Variants in SMC5 observed in about 807,000 individuals in gnomAD.
SMC5 encodes structural maintenance of chromosomes 5, also known as structural maintenance of chromosomes protein 5.
In SMC5, 88 loss-of-function variants were observed where a neutral mutation model predicts 148.3. The observed-to-expected ratio is 0.59, with a 90% CI of 0.50 to 0.71. The LOEUF (loss-of-function observed/expected upper bound fraction) is 0.71, where lower values mean the gene tolerates loss of function less well. SMC5 is among the 30% of genes least tolerant of loss of function. The probability of loss-of-function intolerance (pLI) is 0.00; values close to 1 mark genes in which losing one functional copy is unlikely to be tolerated. For missense variants in SMC5, 1,142 were observed against 1,298.9 expected, an observed-to-expected ratio of 0.88 and a Z score of 1.86; for synonymous variants, 421 against 432.8, an observed-to-expected ratio of 0.97 and a Z score of 0.34.
chr9:70,306,097 TATA>T (rs1297053152), intron 11 of SMC5, among the ~76,000 whole-genome samples: 2 of 152,208 alleles, frequency 1.3e-5, no homozygotes, highest in Non-Finnish European at 2.9e-5. Context: ...TAATATGTAG[TATA>T]ATGTATTAGC....
At chr9:70,318,163 TCA>T (rs1391654645) in intron 13 of SMC5, among the ~76,000 whole-genome samples, 1 of 152,122 alleles carries the variant, frequency 6.6e-6, no homozygotes, top group Non-Finnish European at 1.5e-5. Context: ...CGGGAGAATC[TCA>T]GAGGCAGGAA....
Position 70,305,378 on chromosome 9 carries a change from C to G in SMC5, c.1578+18C>G, listed in dbSNP as rs1305896105. The G allele has an allele frequency of 1.4e-6, 2 of 1,383,806 alleles. No individual in the cohort carries two copies. The highest frequency in any genetic ancestry group is 1.8e-4 in the Middle Eastern group (1 of 5,602). 85.7% of individuals were successfully genotyped at this position (1,383,806 alleles called of 1,614,324 possible). A position where few individuals can be genotyped will look rare whatever the true frequency, so the allele number is the denominator to read the frequency against. On this transcript the variant is annotated intron_variant, in intron 11 of 24. Coordinates refer to ENST00000361138, the MANE Select transcript of SMC5 (RefSeq NM_015110.4). ...TCAAAGAGGCAAGTACTAACCAACA[C>G]AACACTTTGATTCACTTGACACTTA... is the stretch of plus-strand genomic sequence containing the variant.
At position 70,341,483 on chromosome 9, in the gene SMC5, T is replaced by C. The variant is rs570929228; in HGVS notation, c.2398-2661T>C. Among the ~76,000 whole-genome samples the C allele has an allele frequency of 3.9e-5, 6 of 152,352 alleles. No homozygotes were observed. The South Asian group carries it at 1.2e-3, about 32-fold the overall frequency. ...CAGAGTAGGGGTGATTGGGAGTCTTTAACATTTTCTTTTATTTCTCTCAAG... is the reference window on the plus strand; with the variant it reads ...CAGAGTAGGGGTGATTGGGAGTCTTCAACATTTTCTTTTATTTCTCTCAAG... On this transcript the variant is annotated intron_variant, in intron 17 of 24. Transcript: ENST00000361138.
intron 11 of SMC5, among the ~76,000 whole-genome samples, chr9:70,310,541 T>A (rs1415394308): frequency 6.6e-6 from 1 of 152,212 alleles, no homozygotes; most frequent in Non-Finnish European, 1.5e-5. Flanking sequence ...TTAGCATAAT[T>A]CTAAAGGGCC....
chr9:70,261,507 G>A (rs1286036859), intron 1 of SMC5, among the ~76,000 whole-genome samples: 3 of 152,222 alleles, frequency 2.0e-5, no homozygotes, highest in African/African-American at 7.2e-5. Flanking sequence ...AGAGGGAGCA[G>A]TTTGAGGAGA....
intron 7 of SMC5, among the ~76,000 whole-genome samples, chr9:70,283,766 A>C (rs889706914): frequency 3.3e-5 from 5 of 152,274 alleles, no homozygotes; most frequent in Non-Finnish European, 7.4e-5. Context: ...AAGATCATTT[A>C]GGAGATAGTG....
intron 15 of SMC5, among the ~76,000 whole-genome samples, chr9:70,322,563 C>T (rs928077058): frequency 3.3e-5 from 5 of 152,120 alleles, no homozygotes; most frequent in Non-Finnish European, 7.4e-5. Flanking sequence ...AGGCCAGGTG[C>T]GGTGGCTCAC....
At chr9:70,283,614 A>G (rs1369570979) in intron 7 of SMC5, among the ~76,000 whole-genome samples, 1 of 152,156 alleles carries the variant, frequency 6.6e-6, no homozygotes, top group Non-Finnish European at 1.5e-5. Context: ...AAACCAGAAA[A>G]CCATTCACAA....
At chr9:70,323,757 T>G in intron 16 of SMC5, 151 bp downstream of exon 16, 1 of 980,294 alleles carries the variant, frequency 1.0e-6, no homozygotes, top group South Asian at 1.8e-5. Context: ...TTCAGCTTGC[T>G]TAGTTGCTTG....
chr9:70,304,770 A>T (rs1243886556), intron 10 of SMC5, among the ~76,000 whole-genome samples: 1 of 152,044 alleles, frequency 6.6e-6, no homozygotes, highest in African/African-American at 2.4e-5. Context: ...TGAGGGCTGT[A>T]ATAGTTACAA....
chr9:70,308,982 T>C (rs1743779264), intron 11 of SMC5, among the ~76,000 whole-genome samples: 2 of 152,196 alleles, frequency 1.3e-5, no homozygotes, highest in Admixed American at 6.5e-5. Context: ...CCAGTATATA[T>C]AAAAGTTAAG....
At chr9:70,276,910 G>A (rs2034608429) in intron 3 of SMC5, among the ~76,000 whole-genome samples, 1 of 152,040 alleles carries the variant, frequency 6.6e-6, no homozygotes, top group Non-Finnish European at 1.5e-5. Context: ...TCTGAGCAGG[G>A]GGAGTTTCAA....
rs144636962 is a variant in SMC5, at chr9:70,318,627, G to A, written c.1920G>A (p.Ala640=). The change falls in exon 14 of 25, where the codon GCG becomes GCA. Residue 640 remains alanine (A), a synonymous_variant. Transcript: ENST00000361138. ...VISSNTSLKV[A]QFLTVTVDLE... The stretch of plus-strand genomic sequence containing the variant: ...CTAGTAACACATCTCTAAAAGTAGC[G>A]CAGTTTCTCACTGTCACTGTGGACC... 292 of 1,612,404 alleles carry A rather than the reference G, an allele frequency of 1.8e-4. No individual in the cohort carries two copies. Among genetic ancestry groups the A allele is most frequent in the Non-Finnish European group, 2.3e-4 (267 of 1,179,138 alleles).
intron 3 of SMC5, among the ~76,000 whole-genome samples, chr9:70,272,260 A>G (rs772438585): frequency 6.6e-6 from 1 of 152,232 alleles, no homozygotes; most frequent in African/African-American, 2.4e-5. Flanking sequence ...GGAGCAGATC[A>G]TACATCATTG....
chr9:70,350,967 T>G (rs1271525414), intron 24 of SMC5, among the ~76,000 whole-genome samples: 1 of 152,246 alleles, frequency 6.6e-6, no homozygotes, highest in Non-Finnish European at 1.5e-5. Context: ...AATTTTCTTT[T>G]GCTAAATCTA....
rs1200775147 is a variant in SMC5 at position 70,259,043 on chromosome 9, G to C, written c.-36G>C. On this transcript the variant is annotated 5_prime_UTR_variant, in exon 1 of 25. Coordinates refer to ENST00000361138, the MANE Select transcript of SMC5 (RefSeq NM_015110.4). ...GGGCGCCTGGGCTGCCGGACGGTGG[G>C]AACGGAAGTCGCTGTGGGACGCTGA... 4 of 1,570,252 alleles carry C rather than the reference G, an allele frequency of 2.5e-6. No individual in the cohort carries two copies. The South Asian group carries it at 4.7e-5, about 18-fold the overall frequency.
At chr9:70,336,452 C>T (rs935543512) in intron 17 of SMC5, among the ~76,000 whole-genome samples, 1 of 152,122 alleles carries the variant, frequency 6.6e-6, no homozygotes, top group Non-Finnish European at 1.5e-5. Context: ...CCCCCACTCC[C>T]CACCTTCACC....
chr9:70,278,421 T>C (rs1587631007), intron 4 of SMC5, 70 bp from the exon 5 acceptor site: 3 of 1,455,212 alleles, frequency 2.1e-6, no homozygotes, highest in Non-Finnish European at 2.8e-6. Flanking sequence ...GTGTAAGCAT[T>C]GAGTGAAATA....
intron 11 of SMC5, among the ~76,000 whole-genome samples, chr9:70,310,587 T>C (rs2035631387): frequency 6.6e-6 from 1 of 152,216 alleles, no homozygotes; most frequent in African/African-American, 2.4e-5. Flanking sequence ...AAACATTGGC[T>C]TCAACTTAAA....
Sources: gnomAD v4.1 joint callset for allele counts (sites outside exome capture counted in the v4.1 genomes callset) on GRCh38, gnomAD v4.1.1 for gene constraint, MANE v1.5 for transcripts, NCBI Gene and HGNC (gene_info 2026-07-23, HGNC 2026-07-21) for gene names.